CREB5: variants seen among roughly 807,000 people sequenced by gnomAD.
CREB5 encodes the protein cAMP responsive element binding protein 5, also known as cyclic AMP-responsive element-binding protein 5.
In CREB5, 19 loss-of-function variants were observed where a neutral mutation model predicts 57.1. That is an observed-to-expected ratio of 0.33 (90% CI 0.23 to 0.49). The LOEUF (loss-of-function observed/expected upper bound fraction) is 0.49. Among genes scored for constraint, CREB5 ranks in the 20% least tolerant of loss-of-function variants. CREB5 has a pLI of 0.99. For missense variants in CREB5, 579 were observed against 671.6 expected, an observed-to-expected ratio of 0.86 and a Z score of 1.52; for synonymous variants, 238 against 238.3, an observed-to-expected ratio of 1.00 and a Z score of 0.01.
chr7:28,790,992 C>T (rs989438), intron 7 of CREB5, among the ~76,000 whole-genome samples: 122,721 of 152,164 alleles, frequency 0.81, 51,011 homozygotes, highest in African/African-American at 0.94. Flanking sequence ...AATTTCCATA[C>T]ACAATCTTAT....
intron 7 of CREB5, among the ~76,000 whole-genome samples, chr7:28,801,927 A>C (rs932748837): frequency 6.6e-6 from 1 of 152,014 alleles, no homozygotes. Context: ...TCTACTAAAA[A>C]TACAAAAATT....
intron 5 of CREB5, among the ~76,000 whole-genome samples, chr7:28,678,831 G>C (rs531896066): frequency 6.6e-6 from 1 of 152,276 alleles, no homozygotes; most frequent in African/African-American, 2.4e-5. Context: ...AAAAGTGTTG[G>C]AGGGCGAATT....
intron 1 of CREB5, among the ~76,000 whole-genome samples, chr7:28,330,625 CAA>C (rs35288750): frequency 7.1e-6 from 1 of 140,800 alleles, no homozygotes. Flanking sequence ...AGTGAAGCAG[CAA>C]AAAAAAAAAC....
Position 28,796,004 on chromosome 7 carries a change from T to G in CREB5, c.703-8195T>G, listed in dbSNP as rs1808018534. Among the ~76,000 whole-genome samples the G allele has an allele frequency of 2.0e-5, 3 of 152,080 alleles. No homozygotes were observed. In the South Asian group the frequency reaches 6.2e-4, roughly 32 times the overall value. The stretch of plus-strand genomic sequence containing the variant: ...CTGACCTCAAGTGATCTGCCTGCCT[T>G]TACCTCCCAAAGTGCTGGGATTACA... On this transcript the variant is annotated intron_variant, in intron 7 of 10. Coordinates refer to ENST00000357727, the MANE Select transcript of CREB5 (RefSeq NM_182898.4).
rs1554317438 is a variant in CREB5, at chr7:28,421,769, C to CACTA, written c.3+8852_3+8853insACTA. ...CCATATATATATACATACACACACACTATATATATATATACCATATATATA... is the reference window on the plus strand; with the variant it reads ...CCATATATATATACATACACACACACACTATATATATATATATACCATATATATA... On this transcript the variant is annotated intron_variant, in intron 1 of 10. Coordinates refer to ENST00000357727, the MANE Select transcript of CREB5 (RefSeq NM_182898.4). Among the ~76,000 whole-genome samples, 742 of 98,360 alleles carry CACTA rather than the reference C, an allele frequency of 7.5e-3. 7 individuals are homozygous for CACTA. The highest frequency in any genetic ancestry group is 0.02 in the African/African-American group (694 of 34,492). The allele number at this position is 98,360 out of a possible 152,430, so 64.5% of individuals were successfully genotyped here.
At chr7:28,496,362 A>G (rs1359813359) in intron 3 of CREB5, among the ~76,000 whole-genome samples, 3 of 152,174 alleles carry the variant, frequency 2.0e-5, no homozygotes, top group Non-Finnish European at 4.4e-5. Context: ...AAAGTGCTTT[A>G]TTATTACAAT....
chr7:28,574,245 C>T (rs901614783), intron 5 of CREB5, among the ~76,000 whole-genome samples: 4 of 152,138 alleles, frequency 2.6e-5, no homozygotes, highest in South Asian at 2.1e-4. Context: ...GAGATAAAAT[C>T]GATCCAGCCT....
intron 5 of CREB5, among the ~76,000 whole-genome samples, chr7:28,696,887 C>T (rs1801600925): frequency 6.6e-6 from 1 of 151,328 alleles, no homozygotes; most frequent in African/African-American, 2.4e-5. Context: ...AATGTATATA[C>T]ACACATACTC....
At chr7:28,759,028 A>G (rs2128768338) in intron 7 of CREB5, among the ~76,000 whole-genome samples, 1 of 152,330 alleles carries the variant, frequency 6.6e-6, no homozygotes, top group African/African-American at 2.4e-5. Flanking sequence ...GATTAACTCA[A>G]CTGCTTCTCT....
intron 5 of CREB5, among the ~76,000 whole-genome samples, chr7:28,652,107 A>G (rs1799149722): frequency 6.6e-6 from 1 of 152,158 alleles, no homozygotes; most frequent in African/African-American, 2.4e-5. Flanking sequence ...GTAATCTCTT[A>G]CTCCCAAAAT....
chr7:28,700,492 A>G lies in CREB5; in HGVS notation c.465-18261A>G, dbSNP rs140992201. 3.5e-3 allele frequency among the ~76,000 whole-genome samples: 540 copies of G among 152,338 alleles called. 2 individuals are homozygous for G. Among genetic ancestry groups the G allele is most frequent in the African/African-American group, 0.012 (507 of 41,570 alleles). On this transcript the variant is annotated intron_variant, in intron 5 of 10. Coordinates refer to ENST00000357727, the MANE Select transcript of CREB5 (RefSeq NM_182898.4). ...AGCACAGTTCCCGAGATACAGCAGA[A>G]GCTGAGTAAAAGTTTAACAACAACA... is the stretch of plus-strand genomic sequence containing the variant.
chr7:28,683,852 G>T (rs780733467), intron 5 of CREB5, among the ~76,000 whole-genome samples: 1 of 152,126 alleles, frequency 6.6e-6, no homozygotes, highest in African/African-American at 2.4e-5. Flanking sequence ...GCCCTCTAAT[G>T]TGGTATAAGG....
intron 5 of CREB5, among the ~76,000 whole-genome samples, chr7:28,619,895 G>A (rs759948979): frequency 5.3e-5 from 8 of 152,168 alleles, no homozygotes; most frequent in Middle Eastern, 3.4e-3. Flanking sequence ...TCTGAGCCTC[G>A]GGTGTATTAA....
intron 1 of CREB5, among the ~76,000 whole-genome samples, chr7:28,360,440 T>C (rs1786451479): frequency 6.6e-6 from 1 of 152,196 alleles, no homozygotes; most frequent in African/African-American, 2.4e-5. Context: ...GAGGACATTA[T>C]GGTAAGTGAA....
chr7:28,453,091 T>G (rs572415656), intron 1 of CREB5, among the ~76,000 whole-genome samples: 1 of 152,368 alleles, frequency 6.6e-6, no homozygotes, highest in Admixed American at 6.5e-5. Flanking sequence ...TATGATCTCT[T>G]AATTTCCAGG....
At chr7:28,544,815 T>C (rs991169351) in intron 4 of CREB5, among the ~76,000 whole-genome samples, 8 of 151,818 alleles carry the variant, frequency 5.3e-5, no homozygotes, top group African/African-American at 1.5e-4. Flanking sequence ...AGGTGGGAGG[T>C]GTCAGGGCGG....
At chr7:28,355,920 A>T (rs1786331561) in intron 1 of CREB5, among the ~76,000 whole-genome samples, 1 of 152,192 alleles carries the variant, frequency 6.6e-6, no homozygotes, top group Non-Finnish European at 1.5e-5. Flanking sequence ...CTTTCTGAAG[A>T]AACGAGTGAC....
chr7:28,571,516 C>T (rs923165975), intron 5 of CREB5, among the ~76,000 whole-genome samples: 4 of 152,172 alleles, frequency 2.6e-5, no homozygotes, highest in South Asian at 2.1e-4. Flanking sequence ...ATGGTCAATA[C>T]TGAGGCATTG....
At chr7:28,513,807 G>A (rs138132438) in intron 4 of CREB5, 62 of 152,330 alleles carry the variant, frequency 4.1e-4, no homozygotes, top group African/African-American at 1.3e-3. Flanking sequence ...ATTATTAAGA[G>A]TTGGTATTTA....
Sources: allele counts gnomAD v4.1 joint callset (sites outside exome capture counted in the v4.1 genomes callset), GRCh38; gene constraint gnomAD v4.1.1; transcripts MANE v1.5; gene names NCBI Gene and HGNC (gene_info 2026-07-23, HGNC 2026-07-21).